The following PNPLA1 variants were observed in gnomAD, a reference collection of about 807,000 sequenced individuals.
PNPLA1 encodes the protein omega-hydroxyceramide transacylase.
Under a neutral mutation model 51.7 loss-of-function variants are expected in PNPLA1, and 36 were observed. The observed-to-expected ratio is 0.70, with a 90% confidence interval of 0.53 to 0.92. PNPLA1 has a LOEUF of 0.92. Ranked by LOEUF, PNPLA1 falls within the 40% of genes least tolerant of loss-of-function variation. The pLI, the probability that PNPLA1 is intolerant of heterozygous loss-of-function variation, is 0.00. For synonymous variants in PNPLA1, 293 were observed against 280.1 expected (o/e 1.05, Z -0.46); for missense variants, 658 against 682.5 (o/e 0.96, Z 0.40).
chr6:36,292,984 G>T (rs1770733422), intron 2 of PNPLA1, 77 bp from the exon 3 acceptor site: 4 of 1,313,078 alleles, frequency 3.0e-6, no homozygotes, highest in Admixed American at 2.1e-5. Context: ...GTGGTGGGTG[G>T]CCCAGGGGCT....
intron 6 of PNPLA1, 127 bp downstream of exon 6, chr6:36,302,596 A>G (rs769495504): frequency 6.1e-5 from 78 of 1,272,240 alleles, no homozygotes; most frequent in Non-Finnish European, 7.7e-5. Flanking sequence ...GAGCTTTAGC[A>G]TCTCTGTCCA....
chr6:36,302,708 G>GCT (rs897670081), intron 6 of PNPLA1, among the ~76,000 whole-genome samples: 44 of 152,304 alleles, frequency 2.9e-4, no homozygotes, highest in African/African-American at 1.0e-3. Context: ...GGCAGCAAAA[G>GCT]CATCACCTGG....
upstream of PNPLA1, among the ~76,000 whole-genome samples, chr6:36,268,448 G>C (rs936801779): frequency 6.6e-5 from 10 of 152,106 alleles, no homozygotes; most frequent in African/African-American, 2.4e-4. Flanking sequence ...TGACTCAGAA[G>C]GGTTCTCATC....
intron 1 of PNPLA1, among the ~76,000 whole-genome samples, chr6:36,271,042 G>A (rs1384853361): frequency 6.6e-6 from 1 of 152,150 alleles, no homozygotes. Flanking sequence ...GCTCCTGCCT[G>A]GCCTCTTTCA....
upstream of PNPLA1, among the ~76,000 whole-genome samples, chr6:36,267,657 AC>A (rs1769793950): frequency 6.6e-6 from 1 of 151,888 alleles, no homozygotes; most frequent in Non-Finnish European, 1.5e-5. Context: ...CACTGGGATG[AC>A]CCGGAAAAAG....
At chr6:36,295,663 T>C (rs1432710598) in intron 5 of PNPLA1, among the ~76,000 whole-genome samples, 1 of 152,226 alleles carries the variant, frequency 6.6e-6, no homozygotes, top group African/African-American at 2.4e-5. Context: ...AAGGGCACAG[T>C]GTCTAGGACA....
chr6:36,303,657 C>T (rs1475945460), intron 6 of PNPLA1, among the ~76,000 whole-genome samples: 3 of 152,072 alleles, frequency 2.0e-5, no homozygotes, highest in Non-Finnish European at 4.4e-5. Flanking sequence ...CATGGTGAAA[C>T]CCCATCTCTA....
rs1770824903 is a variant in PNPLA1, at chr6:36,295,354, C to T, written c.715-10C>T. On this transcript the variant is annotated splice_polypyrimidine_tract_variant and intron_variant, in intron 4 of 8. Transcript: ENST00000636260. Reference sequence around the variant, plus strand: ...AGCCTTGGTAATTCTCCTGGTGCCTCCGCCCACAGATCCTGCACGATTACT... The same window carrying T: ...AGCCTTGGTAATTCTCCTGGTGCCTTCGCCCACAGATCCTGCACGATTACT... The T allele has an allele frequency of 1.9e-6, 3 of 1,614,196 alleles. No individual in the cohort carries two copies. Among genetic ancestry groups the T allele is most frequent in the Non-Finnish European group, 1.7e-6 (2 of 1,180,018 alleles).
chr6:36,292,585 C>G (rs182809441), intron 2 of PNPLA1, among the ~76,000 whole-genome samples: 2 of 152,328 alleles, frequency 1.3e-5, no homozygotes, highest in Admixed American at 1.3e-4. Flanking sequence ...CCCTCCCACC[C>G]TGCCTGCACC....
chr6:36,307,968 A>C, intron 8 of PNPLA1: 1 of 364,878 alleles, frequency 2.7e-6, no homozygotes, highest in Non-Finnish European at 5.0e-6. Flanking sequence ...TAAAGTTGTG[A>C]GAGTTAAATG....
rs1308209980 is a variant in PNPLA1, at chr6:36,307,585, A to G, written c.1470-2A>G. The G allele has an allele frequency of 6.2e-7, 1 of 1,613,184 alleles. No individual in the cohort carries two copies. The highest frequency in any genetic ancestry group is 1.3e-5 in the African/African-American group (1 of 74,854). ...AACCATCTACTTAATCTCTTTGCCT[A>G]GGGAGAGCCCTGCTGAAGACTCAAA... On this transcript the variant is annotated splice_acceptor_variant, in intron 7 of 8. Transcript: ENST00000636260. LOFTEE classifies it high-confidence loss of function.
intron 7 of PNPLA1, among the ~76,000 whole-genome samples, chr6:36,307,361 A>G (rs1442779284): frequency 6.6e-6 from 1 of 152,174 alleles, no homozygotes; most frequent in Non-Finnish European, 1.5e-5. Context: ...TTGCATTTAC[A>G]TATAACTCTA....
chr6:36,291,600 G>T, intron 2 of PNPLA1, 48 bp downstream of exon 2: 1 of 1,296,204 alleles, frequency 7.7e-7, no homozygotes, highest in Non-Finnish European at 1.1e-6. Context: ...GGCGGGGGAG[G>T]GCGGCTCCTG....
At chr6:36,281,538 G>A (rs1014917292) in intron 1 of PNPLA1, among the ~76,000 whole-genome samples, 7 of 152,102 alleles carry the variant, frequency 4.6e-5, no homozygotes, top group Non-Finnish European at 1.0e-4. Context: ...TTACAAATGA[G>A]GAAACAGGGA....
chr6:36,257,895 T>C (rs1769563660), intron 1 of PNPLA1, among the ~76,000 whole-genome samples: 1 of 152,256 alleles, frequency 6.6e-6, no homozygotes, highest in Non-Finnish European at 1.5e-5. Flanking sequence ...AAAGTATTAC[T>C]GTTTGTGTTT....
At chr6:36,247,681 G>A (rs1769325455) in intron 1 of PNPLA1, among the ~76,000 whole-genome samples, 1 of 152,236 alleles carries the variant, frequency 6.6e-6, no homozygotes, top group South Asian at 2.1e-4. Context: ...GGGTCAAGGA[G>A]GAAGGCATAA....
chr6:36,271,434 C>T (rs1769912931), intron 1 of PNPLA1, among the ~76,000 whole-genome samples: 1 of 152,192 alleles, frequency 6.6e-6, no homozygotes, highest in Non-Finnish European at 1.5e-5. Context: ...GTTCCAGGCA[C>T]TGAGGACAAG....
chr6:36,280,216 A>G (rs899643237), intron 1 of PNPLA1, among the ~76,000 whole-genome samples: 3 of 152,196 alleles, frequency 2.0e-5, no homozygotes, highest in African/African-American at 7.2e-5. Flanking sequence ...AAAAACAAAA[A>G]CAAAAACATA....
Position 36,282,225 on chromosome 6 carries a change from G to GGAAGGAAGGAAGGAAGGAAA in PNPLA1, c.206-9084_206-9083insGGAAGGAAAGAAGGAAGGAA, listed in dbSNP as rs879549980. On this transcript the variant is annotated intron_variant, in intron 1 of 8. Coordinates refer to ENST00000636260, the MANE Select transcript of PNPLA1 (RefSeq NM_001374623.1). The stretch of plus-strand genomic sequence containing the variant: ...GGAAGGAAGGAAGGGAAGGAAGGAA[G>GGAAGGAAGGAAGGAAGGAAA]GAAGGAAGGAAAGAAAGAAAGAAGG... 9.9e-5 allele frequency among the ~76,000 whole-genome samples: 14 copies of GGAAGGAAGGAAGGAAGGAAA among 141,444 alleles called. 1 individual carries two copies. The highest frequency in any genetic ancestry group is 5.0e-4 in the Admixed American group (7 of 13,980). The allele number at this position is 141,444 out of a possible 152,430, so 92.8% of individuals were successfully genotyped here. A position where few individuals can be genotyped will look rare whatever the true frequency, so the allele number is the denominator to read the frequency against.
Sources: allele counts gnomAD v4.1 joint callset (sites outside exome capture counted in the v4.1 genomes callset), GRCh38; gene constraint gnomAD v4.1.1; transcripts MANE v1.5; gene names NCBI Gene and HGNC (gene_info 2026-07-23, HGNC 2026-07-21).